Variants in FBXL20 observed in about 807,000 individuals in gnomAD.
FBXL20 encodes F-box and leucine rich repeat protein 20, also known as F-box/LRR-repeat protein 20.
In FBXL20, 11 loss-of-function variants were observed where a neutral mutation model predicts 64.0. The observed-to-expected ratio is 0.17, with a 90% CI of 0.11 to 0.28. The LOEUF (loss-of-function observed/expected upper bound fraction) is 0.28, where lower values mean the gene tolerates loss of function less well. Ranked by LOEUF, FBXL20 falls within the 10% of genes least tolerant of loss-of-function variation. FBXL20 has a pLI of 1.00. For missense variants in FBXL20, 303 were observed against 526.2 expected (o/e 0.58, Z 4.15); for synonymous variants, 184 against 189.0 (o/e 0.97, Z 0.22).
intron 1 of FBXL20, among the ~76,000 whole-genome samples, chr17:39,375,614 A>G (rs879406230): frequency 6.6e-6 from 1 of 152,184 alleles, no homozygotes; most frequent in Non-Finnish European, 1.5e-5. Flanking sequence ...ATCATTACAC[A>G]TTTTATGCCT....
At chr17:39,280,202 C>G (rs1298784864) in intron 9 of FBXL20, among the ~76,000 whole-genome samples, 1 of 146,840 alleles carries the variant, frequency 6.8e-6, no homozygotes, top group African/African-American at 2.5e-5. Flanking sequence ...TGCCTCTGCA[C>G]TCCAGCCCAG....
At chr17:39,308,155 T>C (rs2047199796) in intron 2 of FBXL20, among the ~76,000 whole-genome samples, 1 of 151,858 alleles carries the variant, frequency 6.6e-6, no homozygotes, top group Non-Finnish European at 1.5e-5. Context: ...TTTTTTTTTT[T>C]TTCCTAAAGA....
At chr17:39,317,730 C>T (rs2047310770) in intron 2 of FBXL20, among the ~76,000 whole-genome samples, 1 of 110,474 alleles carries the variant, frequency 9.1e-6, no homozygotes, top group Non-Finnish European at 1.7e-5. Context: ...GAGACGGAGT[C>T]TCACTCTGTC....
chr17:39,386,129 G>C (rs564488055), intron 1 of FBXL20, among the ~76,000 whole-genome samples: 1 of 151,250 alleles, frequency 6.6e-6, no homozygotes, highest in Admixed American at 6.6e-5. Flanking sequence ...TGGATAAGAG[G>C]TCAGGACATC....
At chr17:39,304,009 T>C (rs551059088) in intron 2 of FBXL20, among the ~76,000 whole-genome samples, 13 of 152,170 alleles carry the variant, frequency 8.5e-5, no homozygotes, top group Admixed American at 3.9e-4. Context: ...GATTTTAGCA[T>C]AGAAATAACA....
At chr17:39,277,492 C>T (rs1261383001) in intron 9 of FBXL20, among the ~76,000 whole-genome samples, 2 of 152,014 alleles carry the variant, frequency 1.3e-5, no homozygotes, top group Non-Finnish European at 2.9e-5. Context: ...CACGGTGGCT[C>T]GCGTCTGTAA....
chr17:39,400,136 T>G (rs1311040105), intron 1 of FBXL20, among the ~76,000 whole-genome samples: 1 of 152,180 alleles, frequency 6.6e-6, no homozygotes, highest in Non-Finnish European at 1.5e-5. Context: ...AGTTAAATAC[T>G]AAAACTCTAA....
intron 1 of FBXL20, among the ~76,000 whole-genome samples, chr17:39,384,694 C>T (rs1027228879): frequency 4.0e-5 from 6 of 151,866 alleles, no homozygotes; most frequent in South Asian, 2.1e-4. Context: ...CGGTGGCTCA[C>T]GCCTATAATC....
chr17:39,363,810 CAA>C (rs71372113), intron 1 of FBXL20, among the ~76,000 whole-genome samples: 2 of 26,664 alleles, frequency 7.5e-5, no homozygotes, highest in Admixed American at 4.7e-4. Flanking sequence ...GACTTTATCT[CAA>C]AAAAAAAAAA....
chr17:39,292,582 T>C (rs667193), intron 6 of FBXL20, among the ~76,000 whole-genome samples: 34,086 of 151,594 alleles, frequency 0.22, 4,547 homozygotes, highest in African/African-American at 0.37. Flanking sequence ...TTTAAACTCC[T>C]TATTGTTCAG....
intron 2 of FBXL20, among the ~76,000 whole-genome samples, chr17:39,317,661 A>G (rs2047306496): frequency 7.4e-6 from 1 of 134,696 alleles, no homozygotes; most frequent in Non-Finnish European, 1.5e-5. Context: ...TTTAATACAT[A>G]GGAGAGTTTG....
chr17:39,266,223 GT>G (rs35541270), intron 12 of FBXL20, among the ~76,000 whole-genome samples: 202 of 110,194 alleles, frequency 1.8e-3, no homozygotes, highest in Middle Eastern at 4.3e-3. Flanking sequence ...CTAGTTTGTT[GT>G]TTTTTTTTTT....
At chr17:39,369,103 G>A (rs1269419959) in intron 1 of FBXL20, among the ~76,000 whole-genome samples, 1 of 151,880 alleles carries the variant, frequency 6.6e-6, no homozygotes, top group Non-Finnish European at 1.5e-5. Flanking sequence ...AGGTATATTG[G>A]ATCAAACCTC....
intron 2 of FBXL20, among the ~76,000 whole-genome samples, chr17:39,310,058 C>T (rs983359850): frequency 2.7e-5 from 4 of 149,274 alleles, no homozygotes; most frequent in Non-Finnish European, 5.9e-5. Flanking sequence ...GAGGCTGAGG[C>T]GGGAGGATTG....
At chr17:39,388,196 C>G (rs542107935) in intron 1 of FBXL20, among the ~76,000 whole-genome samples, 11 of 152,060 alleles carry the variant, frequency 7.2e-5, no homozygotes, top group Admixed American at 1.3e-4. Context: ...GTGGCTCACA[C>G]GTGTAATCCC....
At chr17:39,303,443 G>C (rs2047155572) in intron 3 of FBXL20, 142 bp downstream of exon 3, 2 of 597,356 alleles carry the variant, frequency 3.3e-6, no homozygotes, top group Non-Finnish European at 2.8e-6. Flanking sequence ...ACATGGGTTT[G>C]GGTATGTCAT....
Position 39,363,820 on chromosome 17 carries a change from A to AAAAC in FBXL20, c.43-20580_43-20579insGTTT, listed in dbSNP as rs1555612715. Among the ~76,000 whole-genome samples the AAAAC allele has an allele frequency of 1.8e-3, 186 of 104,028 alleles. 8 individuals carry two copies. The highest frequency in any genetic ancestry group is 8.5e-3 in the African/African-American group (165 of 19,312). 68.2% of individuals were successfully genotyped at this position (104,028 alleles called of 152,430 possible). On this transcript the variant is annotated intron_variant, in intron 1 of 14. Coordinates refer to ENST00000264658, the MANE Select transcript of FBXL20 (RefSeq NM_032875.3). ...AGCAAGACTTTATCTCAAAAAAAAA[A>AAAAC]AAAAAACAAAAAACAAAAAAAAAAA...
intron 1 of FBXL20, among the ~76,000 whole-genome samples, chr17:39,354,445 G>A (rs2047717099): frequency 2.6e-5 from 4 of 152,106 alleles, no homozygotes; most frequent in Admixed American, 2.6e-4. Context: ...CTTCTCCTAT[G>A]AAACCTCAAA....
intron 1 of FBXL20, among the ~76,000 whole-genome samples, chr17:39,369,966 G>A (rs2047899147): frequency 6.6e-6 from 1 of 151,986 alleles, no homozygotes; most frequent in South Asian, 2.1e-4. Context: ...CAGGCATGGT[G>A]GCTCACACCT....
Sources: gnomAD v4.1 joint callset for allele counts (sites outside exome capture counted in the v4.1 genomes callset) on GRCh38, gnomAD v4.1.1 for gene constraint, MANE v1.5 for transcripts, NCBI Gene and HGNC (gene_info 2026-07-23, HGNC 2026-07-21) for gene names.